DPH6: variants seen among roughly 807,000 people sequenced by gnomAD.
The protein encoded by DPH6 is diphthamine biosynthesis 6, also known as diphthine--ammonia ligase.
Under a neutral mutation model 38.2 loss-of-function variants are expected in DPH6, and 33 were observed. The ratio of observed to expected loss-of-function variants is 0.86; its 90% confidence interval spans 0.65 to 1.15. DPH6 has a LOEUF of 1.15. DPH6 is among the 50% of genes most tolerant of loss of function. The probability of loss-of-function intolerance (pLI) is 0.00; values close to 1 mark genes in which losing one functional copy is unlikely to be tolerated. For missense variants in DPH6, 325 were observed against 320.0 expected (o/e 1.02, Z -0.12); for synonymous variants, 108 against 103.0 (o/e 1.05, Z -0.30).
intron 3 of DPH6, among the ~76,000 whole-genome samples, chr15:35,311,263 G>T (rs889023931): frequency 1.3e-5 from 2 of 152,074 alleles, no homozygotes; most frequent in African/African-American, 4.8e-5. Context: ...AGGTTTTAAA[G>T]GCAATTTACA....
At chr15:35,356,673 T>TGC (rs1443151871) in intron 3 of DPH6, among the ~76,000 whole-genome samples, 82 of 152,294 alleles carry the variant, frequency 5.4e-4, no homozygotes, top group African/African-American at 1.9e-3. Context: ...CCTGGCCATG[T>TGC]GAGGTGTCAG....
the DPH6 span, among the ~76,000 whole-genome samples, chr15:35,170,566 T>A: frequency 6.6e-6 from 1 of 152,232 alleles, no homozygotes; most frequent in Non-Finnish European, 1.5e-5. Context: ...ACTAAGTACC[T>A]ATTCACTACA....
chr15:35,432,101 G>C (rs746467265), intron 5 of DPH6, among the ~76,000 whole-genome samples: 11 of 152,168 alleles, frequency 7.2e-5, no homozygotes, highest in Non-Finnish European at 1.2e-4. Context: ...TGCAGCCATG[G>C]TAGAGAACCA....
At chr15:35,330,583 G>A (rs1048634407), downstream of DPH6, among the ~76,000 whole-genome samples, 4 of 152,012 alleles carry the variant, frequency 2.6e-5, no homozygotes, top group African/African-American at 9.7e-5. Flanking sequence ...TTAAAATTAT[G>A]GTGTTAACAA....
chr15:35,219,300 AATTTATC>A, exon 4 of DPH6: 1 of 152,296 alleles, frequency 6.6e-6, no homozygotes, highest in East Asian at 1.9e-4. Context: ...TTAGGTTAAA[AATTTATC>A]ATTTAGACAC....
chr15:35,254,155 GC>G (rs1447471644), intron 3 of DPH6, among the ~76,000 whole-genome samples: 1 of 152,176 alleles, frequency 6.6e-6, no homozygotes, highest in Non-Finnish European at 1.5e-5. Context: ...CTGTGAAGCT[GC>G]AAATGGGACT....
intron 3 of DPH6, among the ~76,000 whole-genome samples, chr15:35,257,504 G>C (rs1421115063): frequency 6.6e-6 from 1 of 152,182 alleles, no homozygotes; most frequent in East Asian, 1.9e-4. Flanking sequence ...ATATGTTGTT[G>C]AGGGATTTGG....
Position 35,342,354 on chromosome 15 carries a change from A to G in DPH6, n.208-11277T>C, listed in dbSNP as rs2052428538. On this transcript the variant is annotated intron_variant and non_coding_transcript_variant, in intron 3 of 3. Coordinates refer to the DPH6 transcript ENST00000558973. ...TCTATGGGTTGCAAAGATCCATGAG[A>G]TAAGTGTGGTTTCCTAGGCAGGGCC... is the stretch of plus-strand genomic sequence containing the variant. 1.3e-5 allele frequency among the ~76,000 whole-genome samples: 2 copies of G among 152,242 alleles called. 1 individual carries two copies. Among genetic ancestry groups the G allele is most frequent in the South Asian group, 4.1e-4 (2 of 4,832 alleles).
intron 3 of DPH6, among the ~76,000 whole-genome samples, chr15:35,508,161 G>C (rs1039956968): frequency 1.3e-5 from 2 of 152,054 alleles, no homozygotes; most frequent in Non-Finnish European, 2.9e-5. Flanking sequence ...TCTCACACCA[G>C]GTCCCAATAT....
intron 3 of DPH6, among the ~76,000 whole-genome samples, chr15:35,468,263 A>T (rs1403688123): frequency 4.6e-5 from 7 of 152,214 alleles, no homozygotes; most frequent in Admixed American, 4.6e-4. Context: ...TACAGAAGAG[A>T]AAGAGGTCAA....
chr15:35,517,325 G>A (rs2141228696), intron 3 of DPH6, among the ~76,000 whole-genome samples: 1 of 152,180 alleles, frequency 6.6e-6, no homozygotes, highest in South Asian at 2.1e-4. Context: ...TCAGTAGATA[G>A]AGCAGCTGTA....
At chr15:35,450,146 T>C (rs2053913203) in intron 5 of DPH6, among the ~76,000 whole-genome samples, 1 of 152,150 alleles carries the variant, frequency 6.6e-6, no homozygotes. Context: ...CTATGCTAAC[T>C]AATCAGATAA....
the DPH6 span, among the ~76,000 whole-genome samples, chr15:35,189,186 G>A: frequency 6.6e-6 from 1 of 152,054 alleles, no homozygotes. Flanking sequence ...CTACAAGTGA[G>A]TTTTTCTATC....
intron 3 of DPH6, chr15:35,298,637 T>C: frequency 9.4e-7 from 1 of 1,064,636 alleles, no homozygotes. Flanking sequence ...GCCACCAAGC[T>C]TGCTGGTCTT....
At chr15:35,514,281 T>C (rs1434620607) in intron 3 of DPH6, among the ~76,000 whole-genome samples, 1 of 152,154 alleles carries the variant, frequency 6.6e-6, no homozygotes, top group Admixed American at 6.5e-5. Flanking sequence ...AGAAGATGTA[T>C]TACGCAAAAT....
intron 3 of DPH6, among the ~76,000 whole-genome samples, chr15:35,229,109 C>A (rs1483835181): frequency 6.6e-6 from 1 of 152,086 alleles, no homozygotes; most frequent in Non-Finnish European, 1.5e-5. Flanking sequence ...TTGAAAAATT[C>A]TCTGTTATTA....
At chr15:35,488,292 T>G (rs2054431698) in intron 3 of DPH6, among the ~76,000 whole-genome samples, 1 of 152,220 alleles carries the variant, frequency 6.6e-6, no homozygotes. Flanking sequence ...TTCAGTTATC[T>G]TTCTAGCAGT....
chr15:35,498,403 C>A (rs2054584070), intron 3 of DPH6, among the ~76,000 whole-genome samples: 1 of 152,072 alleles, frequency 6.6e-6, no homozygotes, highest in African/African-American at 2.4e-5. Context: ...CTTCTTGGGA[C>A]AGAAAAATAA....
At chr15:35,432,603 A>C (rs528985351) in intron 5 of DPH6, among the ~76,000 whole-genome samples, 3 of 152,302 alleles carry the variant, frequency 2.0e-5, no homozygotes, top group Admixed American at 6.5e-5. Context: ...ACAAACAAAG[A>C]AGTTTTCAGG....
Sources: gnomAD v4.1 joint callset for allele counts (sites outside exome capture counted in the v4.1 genomes callset) on GRCh38, gnomAD v4.1.1 for gene constraint, MANE v1.5 for transcripts, NCBI Gene and HGNC (gene_info 2026-07-23, HGNC 2026-07-21) for gene names.